The following CCDC7 variants were observed in gnomAD, a reference collection of about 807,000 sequenced individuals.
CCDC7 encodes the protein coiled-coil domain containing 7, also known as coiled-coil domain-containing protein 7.
In CCDC7, 183 loss-of-function variants were observed where a neutral mutation model predicts 196.9. The observed-to-expected ratio is 0.93, with a 90% CI of 0.82 to 1.05. CCDC7 has a LOEUF of 1.05. Among genes scored for constraint, CCDC7 ranks in the 50% least tolerant of loss-of-function variants. CCDC7 has a pLI of 0.00. For synonymous variants in CCDC7, 525 were observed against 484.6 expected, an observed-to-expected ratio of 1.08 and a Z score of -1.10; for missense variants, 1,540 against 1,482.2, an observed-to-expected ratio of 1.04 and a Z score of -0.64.
chr10:32,695,460 T>C (rs944925116), intron 24 of CCDC7, among the ~76,000 whole-genome samples: 1 of 152,236 alleles, frequency 6.6e-6, no homozygotes, highest in Non-Finnish European at 1.5e-5. Context: ...ATCCTGTCTT[T>C]AGGCTTCACC....
intron 18 of CCDC7, among the ~76,000 whole-genome samples, chr10:32,599,314 C>T (rs1397127093): frequency 6.6e-6 from 1 of 152,016 alleles, no homozygotes; most frequent in African/African-American, 2.4e-5. Context: ...TAAAATGAGT[C>T]TCTTATACAT....
intron 13 of CCDC7, among the ~76,000 whole-genome samples, chr10:32,553,528 C>T (rs959814106): frequency 6.6e-6 from 1 of 152,010 alleles, no homozygotes; most frequent in East Asian, 1.9e-4. Flanking sequence ...TTTCTGGTTC[C>T]TTCTCATTTG....
In CCDC7 at chr10:32,725,429, T is replaced by C. The variant is rs191531228; in HGVS notation, c.2570-1305T>C. 3.8e-4 allele frequency: 169 copies of C among 444,548 alleles called. 1 individual carries two copies. Among genetic ancestry groups the C allele is most frequent in the Non-Finnish European group, 7.6e-4 (162 of 213,634 alleles). The allele number at this position is 444,548 out of a possible 1,614,324, so 27.5% of individuals were successfully genotyped here. Reference sequence around the variant, plus strand: ...TATTAGTTACATGGATTAGTACTTGTTTTTTTGTTCCATATATTAGGTTAG... The same window carrying C: ...TATTAGTTACATGGATTAGTACTTGCTTTTTTGTTCCATATATTAGGTTAG... On this transcript the variant is annotated intron_variant, in intron 25 of 41. Transcript: ENST00000639629.
chr10:32,871,209 G>A (rs1247473783), intron 41 of CCDC7, among the ~76,000 whole-genome samples: 4 of 152,102 alleles, frequency 2.6e-5, no homozygotes, highest in South Asian at 2.1e-4. Context: ...GGTAGAATTC[G>A]GCTGTGAATC....
chr10:32,805,774 C>T (rs1001587668), intron 30 of CCDC7, among the ~76,000 whole-genome samples: 9 of 152,104 alleles, frequency 5.9e-5, no homozygotes, highest in Non-Finnish European at 1.2e-4. Context: ...ATTGTAGGAA[C>T]GGCATTAGAG....
intron 11 of CCDC7, among the ~76,000 whole-genome samples, chr10:32,539,843 G>T (rs760747235): frequency 1.3e-5 from 2 of 151,778 alleles, no homozygotes; most frequent in Admixed American, 6.6e-5. Flanking sequence ...TCTTAGTCTT[G>T]GTTTCTATTT....
At chr10:32,661,588 C>T (rs996613488) in intron 20 of CCDC7, among the ~76,000 whole-genome samples, 1 of 152,026 alleles carries the variant, frequency 6.6e-6, no homozygotes, top group Non-Finnish European at 1.5e-5. Context: ...CTTTAGTCAG[C>T]AGGTGATAGA....
At chr10:32,632,513 T>G (rs1339422146) in intron 18 of CCDC7, among the ~76,000 whole-genome samples, 2 of 151,788 alleles carry the variant, frequency 1.3e-5, no homozygotes, top group African/African-American at 2.4e-5. Flanking sequence ...CCTCTTCTTT[T>G]TCTAGCTTAT....
At chr10:32,443,851 T>A (rs866203758), upstream of CCDC7, among the ~76,000 whole-genome samples, 1 of 152,256 alleles carries the variant, frequency 6.6e-6, no homozygotes. Context: ...ATTTTGATCA[T>A]AAACGCATTT....
At chr10:32,674,103 T>C (rs1370468083) in intron 21 of CCDC7, among the ~76,000 whole-genome samples, 1 of 150,806 alleles carries the variant, frequency 6.6e-6, no homozygotes, top group East Asian at 1.9e-4. Context: ...CCTATTTTAT[T>C]TATTTCTGTT....
intron 29 of CCDC7, among the ~76,000 whole-genome samples, chr10:32,800,458 A>T (rs570983308): frequency 1.3e-5 from 2 of 152,128 alleles, no homozygotes; most frequent in African/African-American, 4.8e-5. Context: ...GAGCCACTCT[A>T]TGTTGGATCT....
At chr10:32,584,732 G>A (rs1032662029) in intron 18 of CCDC7, among the ~76,000 whole-genome samples, 10 of 104,748 alleles carry the variant, frequency 9.5e-5, no homozygotes, top group Admixed American at 2.4e-4. Context: ...CAGCCTGGGC[G>A]ACAGAGTGAC....
intron 18 of CCDC7, among the ~76,000 whole-genome samples, chr10:32,614,747 C>A (rs904989234): frequency 3.3e-5 from 5 of 152,134 alleles, no homozygotes; most frequent in African/African-American, 1.2e-4. Context: ...AGGGTGGAAC[C>A]ACCCACCTTC....
intron 18 of CCDC7, among the ~76,000 whole-genome samples, chr10:32,618,120 G>A (rs887059684): frequency 6.6e-6 from 1 of 151,702 alleles, no homozygotes; most frequent in African/African-American, 2.4e-5. Flanking sequence ...TAGTCTATAT[G>A]TGTCTTTATA....
At chr10:32,763,494 GGAAAT>G (rs1429780940) in intron 28 of CCDC7, among the ~76,000 whole-genome samples, 1 of 151,816 alleles carries the variant, frequency 6.6e-6, no homozygotes, top group African/African-American at 2.4e-5. Context: ...CATACGCAAA[GGAAAT>G]GAAATAAATA....
At chr10:32,869,997 G>A (rs758705494) in intron 41 of CCDC7, among the ~76,000 whole-genome samples, 27 of 152,064 alleles carry the variant, frequency 1.8e-4, no homozygotes, top group Non-Finnish European at 3.2e-4. Context: ...GCTTACTGTA[G>A]CCTTGTAGTA....
At chr10:32,847,795 C>T in intron 37 of CCDC7, 38 bp from the exon 39 acceptor site, 1 of 1,270,312 alleles carries the variant, frequency 7.9e-7, no homozygotes, top group Non-Finnish European at 1.1e-6. Flanking sequence ...TAAATGGTTA[C>T]CTTAAAAAGT....
chr10:32,588,097 C>T (rs2059457955), intron 18 of CCDC7, among the ~76,000 whole-genome samples: 1 of 152,182 alleles, frequency 6.6e-6, no homozygotes, highest in Non-Finnish European at 1.5e-5. Context: ...ATGCCCAGAA[C>T]AGCCTCAGCA....
chr10:32,818,948 A>G (rs1325954807), intron 31 of CCDC7, among the ~76,000 whole-genome samples: 1 of 152,226 alleles, frequency 6.6e-6, no homozygotes, highest in East Asian at 1.9e-4. Flanking sequence ...GCAGAAGGCC[A>G]GAAATAACTA....
Sources: allele counts gnomAD v4.1 joint callset (sites outside exome capture counted in the v4.1 genomes callset), GRCh38; gene constraint gnomAD v4.1.1; transcripts MANE v1.5; gene names NCBI Gene and HGNC (gene_info 2026-07-23, HGNC 2026-07-21).